The following NELL1 variants were observed in gnomAD, a reference collection of about 807,000 sequenced individuals.
The protein encoded by NELL1 is neural EGFL like 1, also known as protein kinase C-binding protein NELL1.
Under a neutral mutation model 107.4 loss-of-function variants are expected in NELL1, and 76 were observed. The observed-to-expected ratio is 0.71, with a 90% CI of 0.59 to 0.86. The LOEUF is 0.86. Ranked by LOEUF, NELL1 falls within the 40% of genes least tolerant of loss-of-function variation. NELL1 has a pLI of 0.00. For synonymous variants in NELL1, 353 were observed against 341.2 expected (o/e 1.03, Z -0.38); for missense variants, 1,024 against 1,005.5 (o/e 1.02, Z -0.25).
intron 12 of NELL1, among the ~76,000 whole-genome samples, chr11:21,095,845 G>C (rs10082596): frequency 0.011 from 1,664 of 152,160 alleles, 29 homozygotes; most frequent in African/African-American, 0.038. Context: ...CCTGACCTCA[G>C]GTAATCCACC....
intron 14 of NELL1, among the ~76,000 whole-genome samples, chr11:21,285,739 C>T (rs1849101217): frequency 6.6e-6 from 1 of 152,160 alleles, no homozygotes; most frequent in Admixed American, 6.5e-5. Context: ...CAGTGTTTCA[C>T]AGTCTTTTAC....
chr11:21,403,334 C>T (rs1852144240), intron 15 of NELL1, among the ~76,000 whole-genome samples: 1 of 151,680 alleles, frequency 6.6e-6, no homozygotes, highest in Admixed American at 6.6e-5. Context: ...TTCAGGGACT[C>T]TTAAATCTGA....
At chr11:21,309,284 A>ATATATGTATATATATATATATATATG (rs1356562552) in intron 14 of NELL1, among the ~76,000 whole-genome samples, 2 of 62,780 alleles carry the variant, frequency 3.2e-5, no homozygotes, top group Non-Finnish European at 5.1e-5. Context: ...ATATATGTAT[A>ATATATGTATATATATATATATATATG]TATATATATA....
intron 14 of NELL1, among the ~76,000 whole-genome samples, chr11:21,292,180 T>C (rs1318334674): frequency 1.3e-5 from 2 of 152,138 alleles, no homozygotes; most frequent in East Asian, 1.9e-4. Flanking sequence ...GAACACCCTA[T>C]CCTGTCAGCC....
At chr11:21,223,522 G>T (rs2403657) in intron 13 of NELL1, among the ~76,000 whole-genome samples, 36 of 151,872 alleles carry the variant, frequency 2.4e-4, no homozygotes, top group Non-Finnish European at 4.7e-4. Context: ...CATTCAGCCC[G>T]TCCATATATT....
intron 3 of NELL1, among the ~76,000 whole-genome samples, chr11:20,813,006 C>CAAAAAAAAAAAAAAAAAAAAA (rs869187456): frequency 1.6e-5 from 1 of 61,272 alleles, no homozygotes; most frequent in African/African-American, 6.9e-5. Context: ...GACTCCGTCT[C>CAAAAAAAAAAAAAAAAAAAAA]AAAAAAAAAA....
rs567860948 is a variant in NELL1, at chr11:21,170,062, C to T, written c.1426+56348C>T. 2.7e-6 allele frequency: 3 copies of T among 1,097,364 alleles called. No individual in the cohort carries two copies. In the South Asian group the frequency reaches 3.9e-5, roughly 14 times the overall value. The allele number at this position is 1,097,364 out of a possible 1,614,324, so 68.0% of individuals were successfully genotyped here. On this transcript the variant is annotated intron_variant, in intron 13 of 19. Transcript: ENST00000357134. ...CAGACCACATCCCTGAGCCTGAACC[C>T]AGCCTCTTGGAGTCCAAGTTCTTTG...
chr11:21,410,923 C>T (rs1169986839), intron 15 of NELL1, among the ~76,000 whole-genome samples: 1 of 151,964 alleles, frequency 6.6e-6, no homozygotes, highest in Non-Finnish European at 1.5e-5. Context: ...AATTTCTTCC[C>T]CCACCCCCAA....
intron 14 of NELL1, among the ~76,000 whole-genome samples, chr11:21,349,651 T>G (rs1850758709): frequency 6.6e-6 from 1 of 152,082 alleles, no homozygotes; most frequent in Non-Finnish European, 1.5e-5. Context: ...CTGATTTTGA[T>G]CACTTGAGTT....
chr11:21,004,025 C>T (rs951610194), intron 12 of NELL1, among the ~76,000 whole-genome samples: 7 of 152,172 alleles, frequency 4.6e-5, no homozygotes, highest in African/African-American at 1.7e-4. Flanking sequence ...CTCAACTTCT[C>T]TGCCTGGGAA....
chr11:21,108,425 A>C (rs184430149), intron 12 of NELL1, among the ~76,000 whole-genome samples: 3 of 152,238 alleles, frequency 2.0e-5, no homozygotes, highest in African/African-American at 4.8e-5. Context: ...AAACTATTTC[A>C]CCATCCTGGG....
chr11:21,108,877 A>G (rs1855035990), intron 12 of NELL1, among the ~76,000 whole-genome samples: 2 of 152,178 alleles, frequency 1.3e-5, no homozygotes, highest in Non-Finnish European at 2.9e-5. Flanking sequence ...ACACGGATAT[A>G]GAATTTGGAG....
At chr11:21,131,347 T>C (rs1178835240) in intron 13 of NELL1, among the ~76,000 whole-genome samples, 1 of 152,228 alleles carries the variant, frequency 6.6e-6, no homozygotes, top group Non-Finnish European at 1.5e-5. Flanking sequence ...TCACCATGAA[T>C]GCTGAATATT....
chr11:21,274,695 C>G (rs1230936672), intron 14 of NELL1, among the ~76,000 whole-genome samples: 1 of 152,188 alleles, frequency 6.6e-6, no homozygotes, highest in Non-Finnish European at 1.5e-5. Context: ...TTATAACAAA[C>G]TGTCTCTCAG....
chr11:21,217,612 A>C (rs1049087647), intron 13 of NELL1, among the ~76,000 whole-genome samples: 2 of 152,142 alleles, frequency 1.3e-5, no homozygotes, highest in Non-Finnish European at 2.9e-5. Context: ...ATTGATATTT[A>C]TGTGCTTATA....
intron 6 of NELL1, among the ~76,000 whole-genome samples, chr11:20,919,021 T>A (rs1287191713): frequency 2.0e-5 from 3 of 151,990 alleles, no homozygotes; most frequent in African/African-American, 4.8e-5. Flanking sequence ...AATGTCATGT[T>A]GCCTTTCTTT....
intron 13 of NELL1, 46 bp downstream of exon 13, chr11:21,113,760 T>C: frequency 1.3e-6 from 2 of 1,596,824 alleles, no homozygotes; most frequent in African/African-American, 2.7e-5. Context: ...ATCCATTCTC[T>C]GCACCATGTC....
At chr11:21,299,805 T>C (rs1409387878) in intron 14 of NELL1, among the ~76,000 whole-genome samples, 4 of 152,102 alleles carry the variant, frequency 2.6e-5, no homozygotes, top group Non-Finnish European at 2.9e-5. Context: ...TTTATGGACA[T>C]TGTAATTTAT....
chr11:21,552,894 C>A (rs903589033), intron 16 of NELL1, among the ~76,000 whole-genome samples: 27 of 151,734 alleles, frequency 1.8e-4, no homozygotes, highest in Non-Finnish European at 5.9e-5. Flanking sequence ...TTTGGAAAAG[C>A]CTTGACTTCC....
Sources: gnomAD v4.1 joint callset for allele counts (sites outside exome capture counted in the v4.1 genomes callset) on GRCh38, gnomAD v4.1.1 for gene constraint, MANE v1.5 for transcripts, NCBI Gene and HGNC (gene_info 2026-07-23, HGNC 2026-07-21) for gene names.